The following PFKFB3 variants were observed in gnomAD, a reference collection of about 807,000 sequenced individuals.
The protein encoded by PFKFB3 is 6-phosphofructo-2-kinase/fructose-2,6-bisphosphatase 3.
In PFKFB3, 33 loss-of-function variants were observed where a neutral mutation model predicts 68.0. The observed-to-expected ratio is 0.49, with a 90% CI of 0.37 to 0.65. PFKFB3 has a LOEUF of 0.65. Among genes scored for constraint, PFKFB3 ranks in the 30% least tolerant of loss-of-function variants. The pLI is 0.00. For synonymous variants in PFKFB3, 315 were observed against 288.2 expected (o/e 1.09, Z -0.94); for missense variants, 586 against 712.2 (o/e 0.82, Z 2.02).
chr10:6,297,755 G>A, the PFKFB3 span, among the ~76,000 whole-genome samples: 3 of 152,278 alleles, frequency 2.0e-5, no homozygotes, highest in African/African-American at 4.8e-5. Flanking sequence ...AGTGATCGAG[G>A]ATACTTTTGA....
downstream of PFKFB3, among the ~76,000 whole-genome samples, chr10:6,240,118 A>G (rs1203744380): frequency 6.6e-6 from 1 of 152,256 alleles, no homozygotes; most frequent in African/African-American, 2.4e-5. Flanking sequence ...TGCAAACAAT[A>G]GGCCAAGCTC....
downstream of PFKFB3, among the ~76,000 whole-genome samples, chr10:6,258,061 C>CT (rs1564239265): frequency 6.6e-6 from 1 of 152,164 alleles, no homozygotes; most frequent in East Asian, 1.9e-4. Flanking sequence ...AGCAGACGGC[C>CT]TGCTTTACTA....
chr10:6,246,210 G>T (rs932963199), intron 14 of PFKFB3, among the ~76,000 whole-genome samples: 2 of 152,140 alleles, frequency 1.3e-5, no homozygotes, highest in Admixed American at 1.3e-4. Flanking sequence ...CCCAAAGAAA[G>T]GACTGGAGCA....
In PFKFB3 at chr10:6,205,937, A is replaced by G. The variant is rs191429972; in HGVS notation, c.76+2601A>G. ...CTCAGCCTGTCCAGTAGCCGGGACT[A>G]TAAGTGTGCACCACCACACCCGGCT... On this transcript the variant is annotated intron_variant, in intron 1 of 14. Coordinates refer to ENST00000379775, the MANE Select transcript of PFKFB3 (RefSeq NM_004566.4). Among the ~76,000 whole-genome samples the G allele has an allele frequency of 1.5e-3, 223 of 151,824 alleles. 5 individuals carry two copies. The East Asian group carries it at 0.038, about 26-fold the overall frequency.
intron 1 of PFKFB3, among the ~76,000 whole-genome samples, chr10:6,160,444 G>A (rs1028308958): frequency 6.6e-6 from 1 of 152,202 alleles, no homozygotes; most frequent in African/African-American, 2.4e-5. Context: ...TTTCCTGGGT[G>A]CGGTGGCTCA....
rs953666979 is a variant in PFKFB3, at chr10:6,203,116, G to C, written c.-145G>C. The stretch of plus-strand genomic sequence containing the variant: ...GGGTCCGGAACTTAGCCCAAAGCAC[G>C]TTTCCCCTGGCAGCGCAGGAAACGC... On this transcript the variant is annotated 5_prime_UTR_variant, in exon 1 of 15. Coordinates refer to ENST00000379775, the MANE Select transcript of PFKFB3 (RefSeq NM_004566.4). 1 of 1,477,900 alleles carries C rather than the reference G, an allele frequency of 6.8e-7. No individual in the cohort carries two copies. The highest frequency in any genetic ancestry group is 8.9e-7 in the Non-Finnish European group (1 of 1,117,678). 91.5% of individuals were successfully genotyped at this position (1,477,900 alleles called of 1,614,324 possible). A position where few individuals can be genotyped will look rare whatever the true frequency, so the allele number is the denominator to read the frequency against.
chr10:6,263,001 C>A, the PFKFB3 span, among the ~76,000 whole-genome samples: 1 of 152,110 alleles, frequency 6.6e-6, no homozygotes, highest in Non-Finnish European at 1.5e-5. Context: ...CCTAACCCAG[C>A]AGCGCTAGAG....
chr10:6,149,586 C>CTAA (rs1841511087), intron 1 of PFKFB3: 1 of 131,492 alleles, frequency 7.6e-6, no homozygotes. Flanking sequence ...GACTCCCTCT[C>CTAA]AAAAAAAAAA....
At chr10:6,303,252 A>G in the PFKFB3 span, among the ~76,000 whole-genome samples, 282 of 152,364 alleles carry the variant, frequency 1.9e-3, 4 homozygotes, top group Middle Eastern at 3.4e-3. Context: ...AGGTAGCAGA[A>G]TCCTAATGCA....
At chr10:6,240,663 C>T (rs965131662) in intron 14 of PFKFB3, among the ~76,000 whole-genome samples, 3 of 152,196 alleles carry the variant, frequency 2.0e-5, no homozygotes, top group African/African-American at 7.2e-5. Context: ...CTTACAACAA[C>T]ATGGTACCCT....
intron 1 of PFKFB3, among the ~76,000 whole-genome samples, chr10:6,194,877 C>CTTT (rs113217222): frequency 6.9e-6 from 1 of 144,162 alleles, no homozygotes; most frequent in Non-Finnish European, 1.5e-5. Context: ...TTTCTTTTTT[C>CTTT]TTTTTTTTTT....
chr10:6,191,575 G>A (rs950033559), intron 1 of PFKFB3, among the ~76,000 whole-genome samples: 3 of 152,168 alleles, frequency 2.0e-5, no homozygotes, highest in Non-Finnish European at 4.4e-5. Context: ...ATGGGGGCTC[G>A]GGCCCCCCCT....
intron 13 of PFKFB3, chr10:6,224,511 C>A: frequency 1.9e-6 from 1 of 530,132 alleles, no homozygotes; most frequent in Admixed American, 2.3e-5. Context: ...GACAGGGTCT[C>A]AGTCTGTTCC....
chr10:6,210,364 G>GT (rs1375867755), intron 1 of PFKFB3, among the ~76,000 whole-genome samples: 33,867 of 58,568 alleles, frequency 0.58, 11,315 homozygotes, highest in Non-Finnish European at 0.73. Flanking sequence ...TTGTTTTTTT[G>GT]TTTTTTTTTT....
In PFKFB3 at chr10:6,232,933, G is replaced by C. The variant is rs1299208490; in HGVS notation, c.1554G>C (p.Arg518Ser). Reference sequence around the variant, plus strand: ...CCCGGAGCAGCGCTGACTCCTCCAGGAAACACTGAGGCAGACGTGTCGGTT... The same window carrying C: ...CCCGGAGCAGCGCTGACTCCTCCAGCAAACACTGAGGCAGACGTGTCGGTT... ...KGSRSSADSS[R>S]KH The change falls in exon 15 of 15, where the codon AGG becomes AGC. Residue 518 changes from arginine (R) to serine (S), a missense_variant. Transcript: ENST00000379775. 6.2e-7 allele frequency: 1 copy of C among 1,612,642 alleles called. No homozygotes were observed. The highest frequency in any genetic ancestry group is 1.1e-5 in the South Asian group (1 of 91,050).
At chr10:6,217,095 T>C (rs757760589) in intron 5 of PFKFB3, 40 bp from the exon 6 acceptor site, 2 of 1,598,320 alleles carry the variant, frequency 1.3e-6, no homozygotes, top group African/African-American at 1.3e-5. Context: ...TGATCCTTCG[T>C]GGTGTTTGTT....
chr10:6,223,888 A>T, intron 11 of PFKFB3, 70 bp from the exon 12 acceptor site: 1 of 1,388,974 alleles, frequency 7.2e-7, no homozygotes, highest in Middle Eastern at 1.8e-4. Context: ...AAGTGCTGGG[A>T]TTACAGGCGT....
chr10:6,291,785 G>A, the PFKFB3 span, among the ~76,000 whole-genome samples: 1 of 152,034 alleles, frequency 6.6e-6, no homozygotes, highest in Non-Finnish European at 1.5e-5. Flanking sequence ...TTTTAGAAAG[G>A]CAGCAGTAAT....
intron 1 of PFKFB3, among the ~76,000 whole-genome samples, chr10:6,145,658 G>T (rs12783932): frequency 0.42 from 64,453 of 151,928 alleles, 14,008 homozygotes; most frequent in South Asian, 0.64. Context: ...AGTCATTTCA[G>T]CCCCCAGCCC....
Sources: gnomAD v4.1 joint callset for allele counts (sites outside exome capture counted in the v4.1 genomes callset) on GRCh38, gnomAD v4.1.1 for gene constraint, MANE v1.5 for transcripts, NCBI Gene and HGNC (gene_info 2026-07-23, HGNC 2026-07-21) for gene names.